CNTNAP3B: variants seen among roughly 807,000 people sequenced by gnomAD.
The protein encoded by CNTNAP3B is contactin-associated protein-like 3B.
A neutral mutation model predicts 108.9 loss-of-function variants in CNTNAP3B; 25 were observed. That is an observed-to-expected ratio of 0.23 (90% confidence interval 0.17 to 0.32). The LOEUF (loss-of-function observed/expected upper bound fraction) is 0.32, where lower values mean the gene tolerates loss of function less well. Among genes scored for constraint, CNTNAP3B ranks in the 10% least tolerant of loss-of-function variants. The pLI is 1.00. For missense variants in CNTNAP3B, 252 were observed against 1,210.4 expected (o/e 0.21, Z 11.75); for synonymous variants, 103 against 473.4 (o/e 0.22, Z 10.16).
chr9:41,954,629 A>G (rs1445065537), intron 12 of CNTNAP3B, among the ~76,000 whole-genome samples: 1 of 152,288 alleles, frequency 6.6e-6, no homozygotes, highest in African/African-American at 2.4e-5. Flanking sequence ...GGTAATTTCA[A>G]TTCCATGGGT....
chr9:42,053,334 GT>G (rs1383061776), intron 3 of CNTNAP3B, among the ~76,000 whole-genome samples: 1 of 126,492 alleles, frequency 7.9e-6, no homozygotes, highest in African/African-American at 3.2e-5. Context: ...TAAATGACAT[GT>G]TTTAGCCAGT....
At chr9:41,934,144 CACACAT>C (rs1824077048) in intron 14 of CNTNAP3B, among the ~76,000 whole-genome samples, 5 of 72,308 alleles carry the variant, frequency 6.9e-5, no homozygotes, top group African/African-American at 2.5e-4. Context: ...TATATATACA[CACACAT>C]ATATATACAC....
rs1827961425 is a variant in CNTNAP3B at position 42,098,656 on chromosome 9, A to T, written c.196+5973T>A. The stretch of plus-strand genomic sequence containing the variant: ...TTGGCCCTACAATATTTAACTCTGC[A>T]TGGAAAACAACCCACCAAATATGTT... On this transcript the variant is annotated intron_variant, in intron 2 of 23. Transcript: ENST00000377561. 2.1e-5 allele frequency among the ~76,000 whole-genome samples: 2 copies of T among 96,876 alleles called. 1 individual carries two copies. The highest frequency in any genetic ancestry group is 6.3e-4 in the South Asian group (2 of 3,158). 63.6% of individuals were successfully genotyped at this position (96,876 alleles called of 152,430 possible). A position where few individuals can be genotyped will look rare whatever the true frequency, so the allele number is the denominator to read the frequency against.
In CNTNAP3B at chr9:41,948,021, A is replaced by T. The variant is rs538109518; in HGVS notation, c.2080+5162T>A. Among the ~76,000 whole-genome samples the T allele has an allele frequency of 7.6e-5, 5 of 65,698 alleles. No individual in the cohort carries two copies. In the East Asian group the frequency reaches 2.2e-3, roughly 29 times the overall value. The allele number at this position is 65,698 out of a possible 152,430, so 43.1% of individuals were successfully genotyped here. ...AATTATTAAGAAAATTGAATTCATA[A>T]TTTAAAATTACTGAAAAAAAATCTC... On this transcript the variant is annotated intron_variant, in intron 13 of 23. Coordinates refer to ENST00000377561, the MANE Select transcript of CNTNAP3B (RefSeq NM_001201380.3).
rs925370819 is a variant in CNTNAP3B, at chr9:41,951,796, G to T, written c.2080+1387C>A. Among the ~76,000 whole-genome samples the T allele has an allele frequency of 6.6e-4, 101 of 152,234 alleles. No homozygotes were observed. In the East Asian group the frequency reaches 0.017, roughly 26 times the overall value. On this transcript the variant is annotated intron_variant, in intron 13 of 23. Transcript: ENST00000377561. ...GTGGGTAAGATTTAAGAGTGTGAGG[G>T]CCGGGCGCGGTGGCTCACGCCTGTA...
chr9:42,122,447 T>C lies in CNTNAP3B; in HGVS notation c.85+6563A>G, dbSNP rs551140105. ...CTGTGACAGCCTGTGCTATAAAATT[T>C]CATAAGCTTATGAGAGCTTTCTTAA... On this transcript the variant is annotated intron_variant, in intron 1 of 23. Coordinates refer to ENST00000377561, the MANE Select transcript of CNTNAP3B (RefSeq NM_001201380.3). Among the ~76,000 whole-genome samples the C allele has an allele frequency of 1.8e-4, 24 of 134,788 alleles. 5 individuals carry two copies. The highest frequency in any genetic ancestry group is 7.1e-4 in the African/African-American group (24 of 33,982). 88.4% of individuals were successfully genotyped at this position (134,788 alleles called of 152,430 possible).
chr9:42,113,722 G>T (rs1288486516), intron 1 of CNTNAP3B, among the ~76,000 whole-genome samples: 1 of 139,440 alleles, frequency 7.2e-6, no homozygotes, highest in Non-Finnish European at 1.5e-5. Flanking sequence ...ATAACACCTA[G>T]TATTTGATAA....
At chr9:42,079,659 T>C (rs910623945) in intron 2 of CNTNAP3B, among the ~76,000 whole-genome samples, 5 of 136,122 alleles carry the variant, frequency 3.7e-5, no homozygotes, top group African/African-American at 1.5e-4. Flanking sequence ...GTAGCCGGGA[T>C]TACAGGTACA....
intron 10 of CNTNAP3B, among the ~76,000 whole-genome samples, chr9:41,967,597 T>C (rs1424568967): frequency 1.3e-5 from 2 of 152,306 alleles, no homozygotes; most frequent in Non-Finnish European, 2.9e-5. Context: ...AGGCCTGTTT[T>C]CAGGATACTT....
chr9:41,961,203 T>A (rs1472794286), intron 11 of CNTNAP3B, among the ~76,000 whole-genome samples: 1 of 152,306 alleles, frequency 6.6e-6, no homozygotes, highest in East Asian at 1.9e-4. Flanking sequence ...ATTGTGTTGG[T>A]GTTCAAACAT....
chr9:41,956,182 C>G (rs1423367903), intron 12 of CNTNAP3B, among the ~76,000 whole-genome samples: 1 of 152,108 alleles, frequency 6.6e-6, no homozygotes, highest in Non-Finnish European at 1.5e-5. Flanking sequence ...GTCAGGAGAT[C>G]GAGACCATCC....
At chr9:41,894,354 C>G (rs1343613476) in intron 23 of CNTNAP3B, among the ~76,000 whole-genome samples, 1 of 99,598 alleles carries the variant, frequency 1.0e-5, no homozygotes, top group Non-Finnish European at 1.9e-5. Flanking sequence ...TCTCGAACTC[C>G]TGGGCTAAAG....
At chr9:42,078,599 G>A (rs1001034316) in intron 2 of CNTNAP3B, among the ~76,000 whole-genome samples, 1 of 135,382 alleles carries the variant, frequency 7.4e-6, no homozygotes, top group Non-Finnish European at 1.6e-5. Context: ...CTGTGCATCT[G>A]ATTGACACTA....
chr9:42,114,845 G>A (rs1232834925), intron 1 of CNTNAP3B, among the ~76,000 whole-genome samples: 2 of 137,110 alleles, frequency 1.5e-5, no homozygotes, highest in Non-Finnish European at 3.1e-5. Context: ...CACAAGGTCA[G>A]GAGTTTGAGA....
intron 3 of CNTNAP3B, among the ~76,000 whole-genome samples, chr9:42,042,560 A>C (rs1453623422): frequency 1.5e-5 from 2 of 133,522 alleles, no homozygotes; most frequent in Non-Finnish European, 3.1e-5. Flanking sequence ...TCTTTAAACA[A>C]TATAGTATAA....
intron 3 of CNTNAP3B, among the ~76,000 whole-genome samples, chr9:42,068,120 T>C (rs1283809406): frequency 2.4e-5 from 3 of 122,686 alleles, no homozygotes; most frequent in Non-Finnish European, 5.0e-5. Context: ...GTCACTGATT[T>C]AAAAATGAAA....
In CNTNAP3B at chr9:41,971,001, G is replaced by A. The variant is rs557925246; in HGVS notation, c.1478-756C>T. On this transcript the variant is annotated intron_variant, in intron 9 of 23. Transcript: ENST00000377561. ...ATAGAAAGAGATAAAATAGACATTTGATTATTTCCAATATTAGAAGTTAAA... is the reference window on the plus strand; with the variant it reads ...ATAGAAAGAGATAAAATAGACATTTAATTATTTCCAATATTAGAAGTTAAA... Among the ~76,000 whole-genome samples, 9 of 151,430 alleles carry A rather than the reference G, an allele frequency of 5.9e-5. No homozygotes were observed. The South Asian group carries it at 1.7e-3, about 28-fold the overall frequency.
intron 3 of CNTNAP3B, among the ~76,000 whole-genome samples, chr9:42,038,057 TC>T (rs1826669345): frequency 1.1e-5 from 1 of 92,998 alleles, no homozygotes; most frequent in Admixed American, 1.2e-4. Context: ...AGAAATAAAA[TC>T]CTTTACAGAC....
chr9:42,096,452 A>AT (rs1446570013), intron 2 of CNTNAP3B, among the ~76,000 whole-genome samples: 1 of 139,236 alleles, frequency 7.2e-6, no homozygotes, highest in East Asian at 2.2e-4. Flanking sequence ...AGTGAAGATT[A>AT]ATGTCTTGGT....
Sources: allele counts gnomAD v4.1 joint callset (sites outside exome capture counted in the v4.1 genomes callset), GRCh38; gene constraint gnomAD v4.1.1; transcripts MANE v1.5; gene names NCBI Gene and HGNC (gene_info 2026-07-23, HGNC 2026-07-21).